CENPI: variants seen among roughly 807,000 people sequenced by gnomAD.
The protein encoded by CENPI is FSH primary response 1.
Under a neutral mutation model 60.4 loss-of-function variants are expected in CENPI, and 4 were observed. That is an observed-to-expected ratio of 0.07 (90% CI 0.03 to 0.15). CENPI has a LOEUF of 0.15. CENPI is among the 10% of genes least tolerant of loss of function. The probability of loss-of-function intolerance (pLI) is 1.00; values close to 1 mark genes in which losing one functional copy is unlikely to be tolerated. For synonymous variants in CENPI, 157 were observed against 189.4 expected (o/e 0.83, Z 1.40); for missense variants, 444 against 534.5 (o/e 0.83, Z 1.67).
chrX:101,173,314 C>CTTTTT, the CENPI span, among the ~76,000 whole-genome samples: 157 of 50,475 alleles, frequency 3.1e-3, 7 homozygotes, highest in Non-Finnish European at 4.2e-3. Flanking sequence ...TGCCTGGCCT[C>CTTTTT]TTTTTTTTTT....
chrX:101,140,823 T>C lies in CENPI; in HGVS notation c.1565+63T>C, dbSNP rs758417346. 2.1e-5 allele frequency: 17 copies of C among 800,663 alleles called. No individual in the cohort carries two copies. The African/African-American group carries it at 3.5e-4, about 17-fold the overall frequency. The allele number at this position is 800,663 out of a possible 1,213,427, so 66.0% of individuals were successfully genotyped here. ...TATACAAATGTTTGCATATGTTTAA[T>C]AGTGTGGCGTGAAACAATTTTTTTC... On this transcript the variant is annotated intron_variant, in intron 16 of 21. Coordinates refer to ENST00000682095, the MANE Select transcript of CENPI (RefSeq NM_001386188.2).
intron 11 of CENPI, 50 bp from the exon 12 acceptor site, chrX:101,128,666 T>C (rs767911386): frequency 8.5e-7 from 1 of 1,178,234 alleles, no homozygotes; most frequent in Admixed American, 2.2e-5. Context: ...ACGATTCCCT[T>C]ATCCACTTTT....
chrX:101,146,121 C>G (rs779329741), intron 17 of CENPI, 32 bp from the exon 18 acceptor site: 18 of 1,173,217 alleles, frequency 1.5e-5, no homozygotes, highest in Non-Finnish European at 6.9e-6. Context: ...GGGGAATACT[C>G]TGTATACTGA....
intron 4 of CENPI, among the ~76,000 whole-genome samples, chrX:101,105,397 G>A (rs990611718): frequency 8.1e-5 from 9 of 111,025 alleles, no homozygotes; most frequent in Non-Finnish European, 1.1e-4. Context: ...GGTGTCGGGC[G>A]CCTGTAGTCG....
At chrX:101,140,115 C>A (rs1048036099) in intron 15 of CENPI, among the ~76,000 whole-genome samples, 4 of 112,142 alleles carry the variant, frequency 3.6e-5, no homozygotes, top group African/African-American at 1.3e-4. Context: ...GGATTACAGG[C>A]GTGAGCCACC....
chrX:101,152,732 A>G (rs2090019121), intron 20 of CENPI, among the ~76,000 whole-genome samples: 1 of 110,895 alleles, frequency 9.0e-6, no homozygotes, highest in Admixed American at 9.7e-5. Flanking sequence ...AATGTTTTCA[A>G]CATTCAGCTA....
chrX:101,158,087 C>T (rs2090070150), intron 20 of CENPI, among the ~76,000 whole-genome samples: 1 of 111,294 alleles, frequency 9.0e-6, no homozygotes, highest in African/African-American at 3.3e-5. Flanking sequence ...TTTCATTTAC[C>T]ATAATGTACT....
chrX:101,122,832 C>T (rs1165418598), intron 8 of CENPI, among the ~76,000 whole-genome samples: 5 of 111,795 alleles, frequency 4.5e-5, no homozygotes, highest in Non-Finnish European at 7.5e-5. Flanking sequence ...GCTGAGATCA[C>T]GCCAGCCTGG....
chrX:101,178,410 T>C, the CENPI span, among the ~76,000 whole-genome samples: 3 of 78,980 alleles, frequency 3.8e-5, no homozygotes, highest in Non-Finnish European at 7.5e-5. Flanking sequence ...TTTTTTTTTT[T>C]TTTTTTTTTT....
At chrX:101,140,802 C>A (rs373968765) in intron 16 of CENPI, 42 bp downstream of exon 16, 165 of 918,814 alleles carry the variant, frequency 1.8e-4, no homozygotes, top group Non-Finnish European at 2.6e-4. Context: ...GATCTGTATA[C>A]AAATGTTTGC....
chrX:101,163,971 G>A lies in CENPI; in HGVS notation c.*1004G>A, dbSNP rs986926229. Among the ~76,000 whole-genome samples the A allele has an allele frequency of 9.2e-6, 1 of 108,311 alleles. No homozygotes were observed. Among genetic ancestry groups the A allele is most frequent in the African/African-American group, 3.4e-5 (1 of 29,676 alleles). 94.1% of individuals were successfully genotyped at this position (108,311 alleles called of 115,157 possible). A position where few individuals can be genotyped will look rare whatever the true frequency, so the allele number is the denominator to read the frequency against. On this transcript the variant is annotated 3_prime_UTR_variant, in exon 22 of 22. Transcript: ENST00000682095. Reference sequence around the variant, plus strand: ...AATCGCTTGAACCCGGGAGGCGGAGGTTGCAGTGAGCCAAGATCGCGCCAC... The same window carrying A: ...AATCGCTTGAACCCGGGAGGCGGAGATTGCAGTGAGCCAAGATCGCGCCAC...
chrX:101,113,005 A>G (rs2089572393), intron 6 of CENPI, among the ~76,000 whole-genome samples: 1 of 103,249 alleles, frequency 9.7e-6, no homozygotes, highest in Non-Finnish European at 2.0e-5. Context: ...CTTTTTTTGG[A>G]TTGACCGTAG....
chrX:101,175,322 A>G, the CENPI span, among the ~76,000 whole-genome samples: 1 of 111,950 alleles, frequency 8.9e-6, no homozygotes, highest in Non-Finnish European at 1.9e-5. Context: ...TTTAGTTTAT[A>G]TAGATCTACC....
intron 2 of CENPI, chrX:101,099,968 A>G (rs1180862427): frequency 9.2e-6 from 1 of 108,924 alleles, no homozygotes; most frequent in Non-Finnish European, 1.9e-5. Flanking sequence ...TTTAAATCTT[A>G]AGTAGAGACA....
At chrX:101,153,107 T>G (rs142762299) in intron 20 of CENPI, among the ~76,000 whole-genome samples, 2,357 of 107,413 alleles carry the variant, frequency 0.022, 55 homozygotes, top group African/African-American at 0.075. Flanking sequence ...TTTTTATCTG[T>G]TTTTTTGGTT....
chrX:101,109,416 G>T, intron 4 of CENPI, 57 bp from the exon 5 acceptor site: 4 of 939,467 alleles, frequency 4.3e-6, no homozygotes, highest in Non-Finnish European at 4.6e-6. Flanking sequence ...GTGAATAATA[G>T]TAAAAGAACA....
At chrX:101,112,103 A>G (rs2089560673) in intron 6 of CENPI, among the ~76,000 whole-genome samples, 1 of 112,117 alleles carries the variant, frequency 8.9e-6, no homozygotes, top group African/African-American at 3.2e-5. Flanking sequence ...TTTCTTGAAA[A>G]TGAACAAAAC....
At chrX:101,125,290 G>C (rs1020741344) in intron 8 of CENPI, among the ~76,000 whole-genome samples, 1 of 111,529 alleles carries the variant, frequency 9.0e-6, no homozygotes, top group Non-Finnish European at 1.9e-5. Context: ...GTTACTATTT[G>C]ACCATCTTCA....
chrX:101,102,611 TTGG>T (rs1288203784), intron 4 of CENPI, among the ~76,000 whole-genome samples, 200 bp downstream of exon 4: 2 of 109,415 alleles, frequency 1.8e-5, no homozygotes, highest in Admixed American at 2.0e-4. Flanking sequence ...TCCTCCCGCC[TTGG>T]CCTCTCAAAG....
Sources: gnomAD v4.1 joint callset for allele counts (sites outside exome capture counted in the v4.1 genomes callset) on GRCh38, gnomAD v4.1.1 for gene constraint, MANE v1.5 for transcripts, NCBI Gene and HGNC (gene_info 2026-07-23, HGNC 2026-07-21) for gene names.